ZNRF3: variants seen among roughly 807,000 people sequenced by gnomAD.
ZNRF3 encodes E3 ubiquitin-protein ligase ZNRF3.
Under a neutral mutation model 72.5 loss-of-function variants are expected in ZNRF3, and 23 were observed. That is an observed-to-expected ratio of 0.32 (90% CI 0.23 to 0.45). The LOEUF (loss-of-function observed/expected upper bound fraction) is 0.45, where lower values mean the gene tolerates loss of function less well. ZNRF3 is among the 20% of genes least tolerant of loss of function. The pLI is 1.00. For synonymous variants in ZNRF3, 610 were observed against 545.3 expected, an observed-to-expected ratio of 1.12 and a Z score of -1.65; for missense variants, 1,169 against 1,272.1, an observed-to-expected ratio of 0.92 and a Z score of 1.23.
chr22:28,919,864 C>A (rs2034478839), intron 1 of ZNRF3, among the ~76,000 whole-genome samples: 1 of 152,122 alleles, frequency 6.6e-6, no homozygotes, highest in Admixed American at 6.5e-5. Context: ...AAATTTAATT[C>A]TGTGCCCCAA....
chr22:28,988,970 G>C (rs2035905970), intron 2 of ZNRF3, among the ~76,000 whole-genome samples: 1 of 152,128 alleles, frequency 6.6e-6, no homozygotes, highest in African/African-American at 2.4e-5. Context: ...CCTCTGCCTG[G>C]AACAACCATG....
At chr22:28,895,169 A>G (rs936904608) in intron 1 of ZNRF3, among the ~76,000 whole-genome samples, 1 of 152,130 alleles carries the variant, frequency 6.6e-6, no homozygotes, top group African/African-American at 2.4e-5. Context: ...TGAGATGTCC[A>G]TCAGTGGACC....
At chr22:28,970,453 A>G (rs1023718875) in intron 1 of ZNRF3, among the ~76,000 whole-genome samples, 7 of 152,208 alleles carry the variant, frequency 4.6e-5, no homozygotes, top group African/African-American at 1.7e-4. Flanking sequence ...AAAAGTTTGG[A>G]GTTTCTTATA....
intron 1 of ZNRF3, among the ~76,000 whole-genome samples, chr22:28,942,407 A>G (rs928918746): frequency 2.0e-5 from 3 of 152,206 alleles, no homozygotes; most frequent in Non-Finnish European, 1.5e-5. Flanking sequence ...AGCAACCAGA[A>G]ACTAAGTGAC....
intron 3 of ZNRF3, among the ~76,000 whole-genome samples, chr22:29,043,077 G>A (rs907606168): frequency 2.0e-5 from 3 of 152,062 alleles, no homozygotes; most frequent in Non-Finnish European, 2.9e-5. Context: ...CGGGTTCAGG[G>A]GGCATTTTCT....
At chr22:29,017,906 G>A (rs565326117) in intron 2 of ZNRF3, 1 of 481,820 alleles carries the variant, frequency 2.1e-6, no homozygotes, top group African/African-American at 2.0e-5. Flanking sequence ...GCTTTTAGAT[G>A]TGTCCTTAAG....
intron 1 of ZNRF3, among the ~76,000 whole-genome samples, chr22:28,970,145 C>A (rs974369): frequency 6.6e-6 from 1 of 152,052 alleles, no homozygotes; most frequent in Non-Finnish European, 1.5e-5. Context: ...AAGACTGTTA[C>A]TCAGAATATA....
intron 1 of ZNRF3, among the ~76,000 whole-genome samples, chr22:28,960,969 C>T (rs1234771437): frequency 6.6e-6 from 1 of 152,184 alleles, no homozygotes; most frequent in Non-Finnish European, 1.5e-5. Context: ...ATCTTTTTAA[C>T]ATAAAGTTTT....
At chr22:28,941,007 GT>G (rs1833777929) in intron 1 of ZNRF3, among the ~76,000 whole-genome samples, 1 of 151,878 alleles carries the variant, frequency 6.6e-6, no homozygotes, top group South Asian at 2.1e-4. Flanking sequence ...TCTCTGGCAT[GT>G]TTAGTGACAG....
At chr22:28,887,203 CTTA>C (rs988109780) in intron 1 of ZNRF3, among the ~76,000 whole-genome samples, 10 of 148,928 alleles carry the variant, frequency 6.7e-5, no homozygotes, top group African/African-American at 2.5e-4. Context: ...AACCCCCCTC[CTTA>C]TTATATGCCA....
At chr22:28,960,812 C>T (rs1242081530) in intron 1 of ZNRF3, among the ~76,000 whole-genome samples, 1 of 152,150 alleles carries the variant, frequency 6.6e-6, no homozygotes, top group Non-Finnish European at 1.5e-5. Context: ...GGATCCCCAG[C>T]AATTCCAATT....
At chr22:28,941,531 G>A (rs1601585596) in intron 1 of ZNRF3, among the ~76,000 whole-genome samples, 1 of 152,144 alleles carries the variant, frequency 6.6e-6, no homozygotes, top group Non-Finnish European at 1.5e-5. Context: ...TTGGCCTATT[G>A]AAGAGCCAGT....
chr22:28,921,222 C>T lies in ZNRF3; in HGVS notation c.300+37156C>T, dbSNP rs117753131. Among the ~76,000 whole-genome samples, 997 of 152,290 alleles carry T rather than the reference C, an allele frequency of 6.5e-3. 5 individuals carry two copies. Among genetic ancestry groups the T allele is most frequent in the Non-Finnish European group, 0.012 (816 of 68,016 alleles). ...TCTCTTTTAAGTGGGAAGCCCCCCC[C>T]ACCCCTAGTAGTCTGTTTCACTTAG... is the stretch of plus-strand genomic sequence containing the variant. On this transcript the variant is annotated intron_variant, in intron 1 of 8. Transcript: ENST00000544604.
chr22:28,929,984 TA>T, intron 1 of ZNRF3, among the ~76,000 whole-genome samples: 1 of 152,164 alleles, frequency 6.6e-6, no homozygotes, highest in Non-Finnish European at 1.5e-5. Context: ...AAAAAACATT[TA>T]AAAAGAAAAA....
At chr22:28,992,488 C>G (rs906099130) in intron 2 of ZNRF3, among the ~76,000 whole-genome samples, 2 of 152,040 alleles carry the variant, frequency 1.3e-5, no homozygotes, top group Admixed American at 1.3e-4. Flanking sequence ...GACGCAGCCC[C>G]CCAGTCTCCC....
chr22:29,025,617 C>T (rs115346972), intron 2 of ZNRF3: 3,896 of 151,264 alleles, frequency 0.026, 79 homozygotes, highest in African/African-American at 0.057. Flanking sequence ...GGAATACAAG[C>T]GCATGATCTA....
At chr22:28,891,296 G>T (rs1319504183) in intron 1 of ZNRF3, among the ~76,000 whole-genome samples, 2 of 152,196 alleles carry the variant, frequency 1.3e-5, no homozygotes, top group Non-Finnish European at 2.9e-5. Flanking sequence ...CCCGGCTGTA[G>T]CCTGGCTGAG....
rs1057199980 is a variant in ZNRF3 at position 29,049,118 on chromosome 22, GC to G, written c.1016-76del. The G allele has an allele frequency of 1.9e-5, 28 of 1,459,260 alleles. No individual in the cohort carries two copies. Among genetic ancestry groups the G allele is most frequent in the Non-Finnish European group, 2.6e-5 (28 of 1,082,026 alleles). 90.4% of individuals were successfully genotyped at this position (1,459,260 alleles called of 1,614,324 possible). ...GACCAAGCCTGCTGCTTCAGCCTTTGCCCGTTTTAAAAATCCCTTTAGCCTC... is the reference window on the plus strand; with the variant it reads ...GACCAAGCCTGCTGCTTCAGCCTTTGCCGTTTTAAAAATCCCTTTAGCCTC... On this transcript the variant is annotated intron_variant, in intron 7 of 8. Transcript: ENST00000544604. This position sits in a 1 kb window ranked among gnomAD's most constrained non-coding sequence, Gnocchi z 5.2.
intron 1 of ZNRF3, among the ~76,000 whole-genome samples, chr22:28,939,513 A>T (rs2034903715): frequency 6.6e-6 from 1 of 151,980 alleles, no homozygotes; most frequent in Non-Finnish European, 1.5e-5. Flanking sequence ...ACAGAACGAA[A>T]TCCCCCGGTC....
Sources: gnomAD v4.1 joint callset for allele counts (sites outside exome capture counted in the v4.1 genomes callset) on GRCh38, gnomAD v4.1.1 for gene constraint, Gnocchi (gnomAD v3.1) non-coding constraint, MANE v1.5 for transcripts, NCBI Gene and HGNC (gene_info 2026-07-23, HGNC 2026-07-21) for gene names.